ARHGEF11: variants seen among roughly 807,000 people sequenced by gnomAD.
ARHGEF11 encodes Rho guanine exchange factor (GEF) 11.
Under a neutral mutation model 193.7 loss-of-function variants are expected in ARHGEF11, and 55 were observed. The observed-to-expected ratio is 0.28, with a 90% CI of 0.23 to 0.36. The LOEUF (loss-of-function observed/expected upper bound fraction) is 0.36. ARHGEF11 is among the 10% of genes least tolerant of loss of function. The probability of loss-of-function intolerance (pLI) is 1.00; values close to 1 mark genes in which losing one functional copy is unlikely to be tolerated. For missense variants in ARHGEF11, 1,723 were observed against 2,005.6 expected (o/e 0.86, Z 2.69); for synonymous variants, 693 against 768.0 (o/e 0.90, Z 1.62).
chr1:156,950,641 TTA>T (rs976449929), intron 22 of ARHGEF11, among the ~76,000 whole-genome samples: 1 of 151,726 alleles, frequency 6.6e-6, no homozygotes, highest in Non-Finnish European at 1.5e-5. Flanking sequence ...TCCTGTCTCT[TTA>T]AAAAAGAAAA....
At chr1:156,979,088 C>T (rs1007604) in intron 5 of ARHGEF11, 141 bp downstream of exon 5, 21 of 734,288 alleles carry the variant, frequency 2.9e-5, no homozygotes, top group Non-Finnish European at 4.5e-5. Flanking sequence ...CTCCATGTTA[C>T]GATTAAAGAT....
At chr1:157,010,807 G>T (rs1368849553) in intron 1 of ARHGEF11, among the ~76,000 whole-genome samples, 2 of 151,960 alleles carry the variant, frequency 1.3e-5, no homozygotes, top group African/African-American at 4.8e-5. Context: ...AAATATCTAG[G>T]AATAAATTTA....
intron 22 of ARHGEF11, among the ~76,000 whole-genome samples, chr1:156,949,332 T>C (rs1932587): frequency 0.29 from 43,937 of 152,004 alleles, 7,841 homozygotes; most frequent in African/African-American, 0.5. Flanking sequence ...GACCCCTAGC[T>C]GCCCCAGGAT....
intron 1 of ARHGEF11, among the ~76,000 whole-genome samples, chr1:157,012,919 G>A (rs192612499): frequency 7.5e-4 from 114 of 152,252 alleles, no homozygotes; most frequent in Non-Finnish European, 1.2e-3. Flanking sequence ...TTATAGCTAG[G>A]TCTCAGGGAG....
At position 156,935,974 on chromosome 1, in the gene ARHGEF11, C is replaced by T. The variant is rs375440891; in HGVS notation, c.*26G>A. 378 of 1,602,986 alleles carry T rather than the reference C, an allele frequency of 2.4e-4. No individual in the cohort carries two copies. The highest frequency in any genetic ancestry group is 1.1e-3 in the Admixed American group (65 of 59,454). ...CCAGTCCCTGAAGGAGGAGTGGGGA[C>T]GCAGAGGATTTGGTGGTTTGTACGG... On this transcript the variant is annotated 3_prime_UTR_variant, in exon 41 of 41. Coordinates refer to ENST00000368194, the MANE Select transcript of ARHGEF11 (RefSeq NM_198236.3).
At chr1:157,008,727 A>C (rs369098704) in intron 1 of ARHGEF11, among the ~76,000 whole-genome samples, 2 of 152,272 alleles carry the variant, frequency 1.3e-5, no homozygotes, top group East Asian at 3.9e-4. Context: ...TTTATGTATC[A>C]ATGTAGGGGT....
chr1:156,988,423 T>C (rs1665243174), intron 1 of ARHGEF11, among the ~76,000 whole-genome samples: 1 of 152,220 alleles, frequency 6.6e-6, no homozygotes, highest in African/African-American at 2.4e-5. Context: ...CACAGGGCTA[T>C]CCACGCTGGG....
intron 37 of ARHGEF11, 85 bp downstream of exon 37, chr1:156,939,463 A>G: frequency 1.3e-6 from 2 of 1,579,152 alleles, no homozygotes; most frequent in Non-Finnish European, 1.7e-6. Context: ...CAGGGGGAGT[A>G]TAGGGAAGGA....
At chr1:156,941,723 C>T (rs770529390) in intron 34 of ARHGEF11, 141 bp downstream of exon 34, 7 of 1,299,558 alleles carry the variant, frequency 5.4e-6, no homozygotes, top group East Asian at 4.7e-5. Flanking sequence ...CCTCCATCTG[C>T]CAGCACTTGG....
intron 1 of ARHGEF11, among the ~76,000 whole-genome samples, chr1:157,002,835 C>A (rs758721733): frequency 3.9e-5 from 6 of 152,154 alleles, no homozygotes; most frequent in Non-Finnish European, 7.4e-5. Context: ...CTCCTGAGTT[C>A]CCCTCCCAGA....
At position 156,939,765 on chromosome 1, in the gene ARHGEF11, T is replaced by A. The variant is rs746692819; in HGVS notation, c.3879A>T (p.Pro1293=). ...VTSHPWDPGS[P]GQAPPGGEGD... Reference sequence around the variant, plus strand: ...CTTCACCCCCAGGGGGTGCTTGCCCTGGGGAGCCTGGGTCCCAGGGGTGAG... The same window carrying A: ...CTTCACCCCCAGGGGGTGCTTGCCCAGGGGAGCCTGGGTCCCAGGGGTGAG... Residue 1293 remains proline, a synonymous_variant, in exon 37 of 41, where the codon CCA becomes CCT. Transcript: ENST00000368194. The A allele has an allele frequency of 2.0e-5, 33 of 1,613,880 alleles. No individual in the cohort carries two copies. The South Asian group carries it at 3.4e-4, about 17-fold the overall frequency.
intron 14 of ARHGEF11, among the ~76,000 whole-genome samples, chr1:156,961,247 C>T (rs1282846829): frequency 6.6e-6 from 1 of 152,250 alleles, no homozygotes; most frequent in African/African-American, 2.4e-5. Context: ...CCATCTCTGA[C>T]TCCTGCCTTT....
rs1654894752 is a variant in ARHGEF11 at position 156,935,549 on chromosome 1, C to T, written c.*451G>A. 1 of 160,008 alleles carries T rather than the reference C, an allele frequency of 6.2e-6. No homozygotes were observed. The highest frequency in any genetic ancestry group is 1.4e-5 in the Non-Finnish European group (1 of 73,302). 9.9% of individuals were successfully genotyped at this position (160,008 alleles called of 1,614,324 possible). A position where few individuals can be genotyped will look rare whatever the true frequency, so the allele number is the denominator to read the frequency against. On this transcript the variant is annotated 3_prime_UTR_variant, in exon 41 of 41. Transcript: ENST00000368194. ...ACGATACATACATATTTATAGGAAA[C>T]CAAAGTGACAAAGAGGGGAGGGGAG...
chr1:156,938,137 C>T (rs1318141916), intron 38 of ARHGEF11, among the ~76,000 whole-genome samples: 1 of 152,124 alleles, frequency 6.6e-6, no homozygotes, highest in Non-Finnish European at 1.5e-5. Flanking sequence ...GTCCCCACCC[C>T]CAGGCCAGGC....
intron 7 of ARHGEF11, among the ~76,000 whole-genome samples, chr1:156,974,444 T>C (rs575678922): frequency 2.3e-4 from 35 of 152,360 alleles, no homozygotes; most frequent in South Asian, 4.1e-4. Flanking sequence ...CTTCTGATTA[T>C]TGCATAAATA....
At chr1:157,015,619 C>T (rs556484491) in intron 1 of ARHGEF11, among the ~76,000 whole-genome samples, 2 of 152,200 alleles carry the variant, frequency 1.3e-5, no homozygotes, top group Non-Finnish European at 2.9e-5. Context: ...TGAAGGTCTA[C>T]TGCCATAATT....
intron 3 of ARHGEF11, 114 bp downstream of exon 3, chr1:156,984,225 T>C: frequency 1.2e-6 from 1 of 854,762 alleles, no homozygotes; most frequent in Non-Finnish European, 1.8e-6. Context: ...GGAGAACCAG[T>C]TCTAGAGTAA....
intron 1 of ARHGEF11, among the ~76,000 whole-genome samples, chr1:157,039,005 G>C (rs1476722302): frequency 6.6e-6 from 1 of 152,116 alleles, no homozygotes; most frequent in African/African-American, 2.4e-5. Flanking sequence ...GGGCGACAGA[G>C]TGAGACCCTG....
At chr1:156,968,172 C>T (rs1182911713) in intron 10 of ARHGEF11, 48 bp from the exon 11 acceptor site, 5 of 1,571,802 alleles carry the variant, frequency 3.2e-6, no homozygotes, top group Non-Finnish European at 4.3e-6. Context: ...CCGGAAGACC[C>T]TCAAGGCTCA....
Sources: allele counts gnomAD v4.1 joint callset (sites outside exome capture counted in the v4.1 genomes callset), GRCh38; gene constraint gnomAD v4.1.1; transcripts MANE v1.5; gene names NCBI Gene and HGNC (gene_info 2026-07-23, HGNC 2026-07-21).